PTER: variants seen among roughly 807,000 people sequenced by gnomAD.
The protein encoded by PTER is phosphotriesterase related.
A neutral mutation model predicts 29.6 loss-of-function variants in PTER; 38 were observed. The observed-to-expected ratio is 1.28, with a 90% confidence interval of 0.99 to 1.68. PTER has a LOEUF of 1.68. Among genes scored for constraint, PTER ranks in the 40% most tolerant of loss-of-function variants. The pLI is 0.00. For synonymous variants in PTER, 172 were observed against 154.5 expected (o/e 1.11, Z -0.84); for missense variants, 482 against 427.8 (o/e 1.13, Z -1.12).
chr10:16,510,595 C>A (rs12261313), intron 4 of PTER, among the ~76,000 whole-genome samples: 2 of 152,094 alleles, frequency 1.3e-5, no homozygotes, highest in African/African-American at 4.8e-5. Context: ...CTATTTTAAT[C>A]GCAAACAGTC....
At chr10:16,462,249 G>A (rs560084400) in intron 1 of PTER, among the ~76,000 whole-genome samples, 53 of 152,242 alleles carry the variant, frequency 3.5e-4, no homozygotes, top group Middle Eastern at 3.4e-3. Context: ...GCCTCCCAAA[G>A]TGCTGGGATT....
chr10:16,484,549 A>G lies in PTER; in HGVS notation c.165A>G (p.Lys55=), dbSNP rs1318471591. The change falls in exon 2 of 5, where the codon AAA becomes AAG. Residue 55 remains lysine (K), a synonymous_variant. Coordinates refer to ENST00000535784, the MANE Select transcript of PTER (RefSeq NM_001261836.2). ...TTTCCAAAGAACCTATCGTGATGAAAAATTTATATTGGATTCAGAAAAACG... is the reference window on the plus strand; with the variant it reads ...TTTCCAAAGAACCTATCGTGATGAAGAATTTATATTGGATTCAGAAAAACG... ...EAISKEPIVM[K]NLYWIQKNAY... 4 of 1,614,128 alleles carry G rather than the reference A, an allele frequency of 2.5e-6. No individual in the cohort carries two copies. Among genetic ancestry groups the G allele is most frequent in the Non-Finnish European group, 3.4e-6 (4 of 1,180,018 alleles).
intron 3 of PTER, among the ~76,000 whole-genome samples, chr10:16,497,906 A>G (rs569897190): frequency 3.5e-4 from 53 of 151,856 alleles, no homozygotes; most frequent in Admixed American, 5.9e-4. Context: ...AAAGAGCCGA[A>G]TCACTTTGGA....
intron 3 of PTER, among the ~76,000 whole-genome samples, chr10:16,502,432 G>A (rs1177308529): frequency 6.6e-6 from 1 of 151,918 alleles, no homozygotes; most frequent in Non-Finnish European, 1.5e-5. Context: ...GTAAGAAGAT[G>A]GAAAATGAGT....
At chr10:16,442,657 T>C (rs896813950) in intron 1 of PTER, among the ~76,000 whole-genome samples, 5 of 152,038 alleles carry the variant, frequency 3.3e-5, no homozygotes, top group African/African-American at 1.2e-4. Context: ...GCCAGCTCTT[T>C]TGACAGATTT....
chr10:16,440,274 A>T (rs1471526109), intron 1 of PTER, among the ~76,000 whole-genome samples: 3 of 151,438 alleles, frequency 2.0e-5, no homozygotes, highest in Non-Finnish European at 4.4e-5. Context: ...CATCATGTTG[A>T]TCAGGCTGCT....
In PTER at chr10:16,463,198, TA is replaced by T. The variant is rs535136619; in HGVS notation, c.-48-21115del. Among the ~76,000 whole-genome samples the T allele has an allele frequency of 5.5e-3, 434 of 79,390 alleles. 1 individual carries two copies. The highest frequency in any genetic ancestry group is 0.013 in the African/African-American group (271 of 20,554). 52.1% of individuals were successfully genotyped at this position (79,390 alleles called of 152,430 possible). On this transcript the variant is annotated intron_variant, in intron 1 of 4. Coordinates refer to ENST00000535784, the MANE Select transcript of PTER (RefSeq NM_001261836.2). The stretch of plus-strand genomic sequence containing the variant: ...CTGGGCGACAGAGCGAGACTCTGTC[TA>T]AAAAAAAAAAAAAAAAAAAAAAATA...
At chr10:16,517,517 T>G (rs1175618426), downstream of PTER, among the ~76,000 whole-genome samples, 7 of 152,350 alleles carry the variant, frequency 4.6e-5, no homozygotes, top group East Asian at 1.3e-3. Flanking sequence ...GCAATTTTTC[T>G]TCATGTTTTC....
Position 16,483,431 on chromosome 10 carries a change from G to T in PTER, c.-48-906G>T, listed in dbSNP as rs572887365. Reference sequence around the variant, plus strand: ...TGCTCCTCAGTTGTTTTGGGGAGGGGCATATTCTATGAAGTCGTGTGAGTC... The same window carrying T: ...TGCTCCTCAGTTGTTTTGGGGAGGGTCATATTCTATGAAGTCGTGTGAGTC... On this transcript the variant is annotated intron_variant, in intron 1 of 4. Transcript: ENST00000535784. Among the ~76,000 whole-genome samples, 7 of 152,258 alleles carry T rather than the reference G, an allele frequency of 4.6e-5. No individual in the cohort carries two copies. In the South Asian group the frequency reaches 1.5e-3, roughly 32 times the overall value.
chr10:16,490,713 T>C (rs535059487), intron 3 of PTER, among the ~76,000 whole-genome samples: 2 of 150,540 alleles, frequency 1.3e-5, no homozygotes, highest in African/African-American at 2.4e-5. Flanking sequence ...TCTGCCATAC[T>C]GCTTGAAACT....
At position 16,484,247 on chromosome 10, in the gene PTER, T is replaced by C. The variant is rs551783492; in HGVS notation, c.-48-90T>C. 844 of 803,834 alleles carry C rather than the reference T, an allele frequency of 1.0e-3. 2 individuals are homozygous for C. Among genetic ancestry groups the C allele is most frequent in the Non-Finnish European group, 1.5e-3 (766 of 512,496 alleles). 49.8% of individuals were successfully genotyped at this position (803,834 alleles called of 1,614,324 possible). A position where few individuals can be genotyped will look rare whatever the true frequency, so the allele number is the denominator to read the frequency against. ...TGATTTGCCTTCTTACATGGGTATA[T>C]GTTCACAGCCTCCCACCCCTTACGG... On this transcript the variant is annotated intron_variant, in intron 1 of 4. Transcript: ENST00000535784.
At chr10:16,504,532 A>G (rs554378247) in intron 3 of PTER, among the ~76,000 whole-genome samples, 2 of 152,358 alleles carry the variant, frequency 1.3e-5, no homozygotes, top group East Asian at 3.8e-4. Flanking sequence ...CAATCTTCAC[A>G]AGAAAATCAC....
intron 3 of PTER, among the ~76,000 whole-genome samples, chr10:16,499,208 G>A (rs969362497): frequency 6.6e-6 from 1 of 152,096 alleles, no homozygotes; most frequent in Non-Finnish European, 1.5e-5. Flanking sequence ...AGCTGGGGCT[G>A]TATTAAATAC....
At position 16,484,368 on chromosome 10, in the gene PTER, T is replaced by C; in HGVS notation, c.-17T>C. On this transcript the variant is annotated 5_prime_UTR_variant, in exon 2 of 5. Coordinates refer to ENST00000535784, the MANE Select transcript of PTER (RefSeq NM_001261836.2). The stretch of plus-strand genomic sequence containing the variant: ...GAAATCCTCTTTTTAGAACATCTCT[T>C]GGTGGTACCATCAGAAATGTCTTCC... 2 of 1,558,268 alleles carry C rather than the reference T, an allele frequency of 1.3e-6. No individual in the cohort carries two copies. The highest frequency in any genetic ancestry group is 1.7e-6 in the Non-Finnish European group (2 of 1,157,338).
At chr10:16,485,674 A>G (rs909522988) in intron 2 of PTER, among the ~76,000 whole-genome samples, 2 of 152,202 alleles carry the variant, frequency 1.3e-5, no homozygotes, top group East Asian at 1.9e-4. Context: ...TGAGGATTAT[A>G]TATTCTTCCA....
intron 1 of PTER, among the ~76,000 whole-genome samples, chr10:16,475,749 G>C (rs562802823): frequency 1.3e-5 from 2 of 152,288 alleles, no homozygotes; most frequent in South Asian, 4.1e-4. Flanking sequence ...TGTAGCTGTA[G>C]TCACTTTGGT....
At position 16,484,368 on chromosome 10, in the gene PTER, T is replaced by G; in HGVS notation, c.-17T>G. 6.4e-7 allele frequency: 1 copy of G among 1,558,268 alleles called. No individual in the cohort carries two copies. The highest frequency in any genetic ancestry group is 8.6e-7 in the Non-Finnish European group (1 of 1,157,338). On this transcript the variant is annotated 5_prime_UTR_variant, in exon 2 of 5. Coordinates refer to ENST00000535784, the MANE Select transcript of PTER (RefSeq NM_001261836.2). ...GAAATCCTCTTTTTAGAACATCTCT[T>G]GGTGGTACCATCAGAAATGTCTTCC...
intron 1 of PTER, among the ~76,000 whole-genome samples, chr10:16,447,352 C>T (rs1834053649): frequency 6.6e-6 from 1 of 151,916 alleles, no homozygotes; most frequent in South Asian, 2.1e-4. Context: ...CCTCCAGCCG[C>T]AACCTCCCAA....
At chr10:16,456,862 T>G (rs77621852) in intron 1 of PTER, among the ~76,000 whole-genome samples, 2,128 of 113,458 alleles carry the variant, frequency 0.019, 82 homozygotes, top group African/African-American at 0.061. Flanking sequence ...ATGGGGAAGG[T>G]GGGGGGGGGT....
Sources: allele counts gnomAD v4.1 joint callset (sites outside exome capture counted in the v4.1 genomes callset), GRCh38; gene constraint gnomAD v4.1.1; transcripts MANE v1.5; gene names NCBI Gene and HGNC (gene_info 2026-07-23, HGNC 2026-07-21).